The following CAMK2D variants were observed in gnomAD, a reference collection of about 807,000 sequenced individuals.
CAMK2D encodes calcium/calmodulin dependent protein kinase II delta.
CAMK2D carries 37 observed loss-of-function variants against 84.0 expected under a neutral mutation model. The observed-to-expected ratio is 0.44, with a 90% CI of 0.34 to 0.58. CAMK2D has a LOEUF of 0.58. Among genes scored for constraint, CAMK2D ranks in the 20% least tolerant of loss-of-function variants. The pLI is 0.02. For missense variants in CAMK2D, 448 were observed against 652.5 expected (o/e 0.69, Z 3.41); for synonymous variants, 202 against 212.5 (o/e 0.95, Z 0.43).
At chr4:113,691,658 C>CA (rs1423123053) in intron 2 of CAMK2D, among the ~76,000 whole-genome samples, 1 of 151,888 alleles carries the variant, frequency 6.6e-6, no homozygotes, top group East Asian at 1.9e-4. Flanking sequence ...GAGGCTGAGG[C>CA]AAAAAAATCA....
chr4:113,729,132 G>A lies in CAMK2D; in HGVS notation c.160+30188C>T, dbSNP rs139352063. 2.2e-3 allele frequency among the ~76,000 whole-genome samples: 334 copies of A among 152,168 alleles called. 1 individual carries two copies. Among genetic ancestry groups the A allele is most frequent in the Non-Finnish European group, 3.8e-3 (255 of 67,994 alleles). ...ATTATATATTAACAAACAACCTCCC[G>A]CCTAAGTCATCATCATCGTCTCTTT... On this transcript the variant is annotated intron_variant, in intron 2 of 20. Transcript: ENST00000511664.
intron 3 of CAMK2D, among the ~76,000 whole-genome samples, chr4:113,619,545 C>T (rs1385354050): frequency 6.6e-6 from 1 of 152,166 alleles, no homozygotes; most frequent in Non-Finnish European, 1.5e-5. Flanking sequence ...ACTCCAACTT[C>T]ATTGGCATCC....
At chr4:113,600,534 T>C (rs1409147986) in intron 4 of CAMK2D, among the ~76,000 whole-genome samples, 1 of 152,206 alleles carries the variant, frequency 6.6e-6, no homozygotes, top group Non-Finnish European at 1.5e-5. Flanking sequence ...TAGTCCACAA[T>C]ATTTTATCTA....
chr4:113,675,413 C>A (rs1434897598), intron 2 of CAMK2D, among the ~76,000 whole-genome samples: 2 of 152,122 alleles, frequency 1.3e-5, no homozygotes, highest in African/African-American at 4.8e-5. Flanking sequence ...AGAGAGATTG[C>A]TCACTAGCCA....
chr4:113,584,861 GA>G lies in CAMK2D; in HGVS notation c.275+24290del, dbSNP rs555902675. ...TAATGATGCCTATCTTTTATCTTAA[GA>G]AAAAAAAAGTTTTCTGGTTCTTTAC... On this transcript the variant is annotated intron_variant, in intron 4 of 20. Coordinates refer to ENST00000511664, the MANE Select transcript of CAMK2D (RefSeq NM_001321571.2). Among the ~76,000 whole-genome samples the G allele has an allele frequency of 3.1e-3, 466 of 151,308 alleles. 2 individuals carry two copies. The highest frequency in any genetic ancestry group is 9.4e-3 in the African/African-American group (389 of 41,250).
At position 113,531,504 on chromosome 4, in the gene CAMK2D, A is replaced by G. The variant is rs138451408; in HGVS notation, c.518-205T>C. 7.6e-4 allele frequency among the ~76,000 whole-genome samples: 115 copies of G among 152,268 alleles called. 1 individual carries two copies. Among genetic ancestry groups the G allele is most frequent in the African/African-American group, 2.7e-3 (113 of 41,546 alleles). On this transcript the variant is annotated intron_variant, in intron 7 of 20. Transcript: ENST00000511664. ...ATGCCCTGCCCTGTAACTCATTTGA[A>G]AAAAAATACATCTTTTTTTCCAGAT... is the stretch of plus-strand genomic sequence containing the variant.
At chr4:113,744,720 C>G (rs756897972) in intron 2 of CAMK2D, among the ~76,000 whole-genome samples, 3 of 152,142 alleles carry the variant, frequency 2.0e-5, no homozygotes, top group Non-Finnish European at 2.9e-5. Flanking sequence ...AAAACCAAGG[C>G]TTGAGAAGGT....
At chr4:113,757,693 A>G (rs1309011300) in intron 2 of CAMK2D, among the ~76,000 whole-genome samples, 1 of 152,160 alleles carries the variant, frequency 6.6e-6, no homozygotes, top group African/African-American at 2.4e-5. Flanking sequence ...ACATGTAGGT[A>G]GTTCTTTGAA....
intron 2 of CAMK2D, among the ~76,000 whole-genome samples, chr4:113,730,299 G>A (rs2099562042): frequency 6.6e-6 from 1 of 151,910 alleles, no homozygotes; most frequent in African/African-American, 2.4e-5. Context: ...TTCACTTCTT[G>A]TTTTCATGTC....
chr4:113,664,975 T>C (rs2099252063), intron 2 of CAMK2D, among the ~76,000 whole-genome samples: 3 of 152,184 alleles, frequency 2.0e-5, no homozygotes, highest in Admixed American at 6.5e-5. Flanking sequence ...AGCTAATTTT[T>C]GTATTTTTGG....
intron 4 of CAMK2D, among the ~76,000 whole-genome samples, chr4:113,567,825 A>G (rs975630539): frequency 6.6e-6 from 1 of 152,228 alleles, no homozygotes; most frequent in Non-Finnish European, 1.5e-5. Context: ...GTTGAAGAAC[A>G]TAACAGTGTC....
intron 4 of CAMK2D, among the ~76,000 whole-genome samples, chr4:113,603,429 C>T (rs2098962281): frequency 1.6e-5 from 2 of 128,676 alleles, no homozygotes; most frequent in African/African-American, 3.0e-5. Flanking sequence ...GAGTTCATGT[C>T]CTTTGTAGGG....
In CAMK2D at chr4:113,754,744, T is replaced by C. The variant is rs182087002; in HGVS notation, c.160+4576A>G. Reference sequence around the variant, plus strand: ...GAAGAGCAGTAATGCTTTCATTCAATGAAAGAAGAAAATGAATGTTTAATA... The same window carrying C: ...GAAGAGCAGTAATGCTTTCATTCAACGAAAGAAGAAAATGAATGTTTAATA... On this transcript the variant is annotated intron_variant, in intron 2 of 20. Coordinates refer to ENST00000511664, the MANE Select transcript of CAMK2D (RefSeq NM_001321571.2). The C allele has an allele frequency of 9.8e-5, 96 of 981,330 alleles. No individual in the cohort carries two copies. In the African/African-American group the frequency reaches 1.6e-3, roughly 16 times the overall value. 60.8% of individuals were successfully genotyped at this position (981,330 alleles called of 1,614,324 possible). A position where few individuals can be genotyped will look rare whatever the true frequency, so the allele number is the denominator to read the frequency against.
At position 113,477,404 on chromosome 4, in the gene CAMK2D, C is replaced by T. The variant is rs111917935; in HGVS notation, c.1136-11800G>A. Among the ~76,000 whole-genome samples, 631 of 152,226 alleles carry T rather than the reference C, an allele frequency of 4.1e-3. 8 individuals carry two copies. The highest frequency in any genetic ancestry group is 0.014 in the African/African-American group (589 of 41,540). ...ATCAGTTTAGCTCTGGGATATTTGC[C>T]TCTAAATTCAGCTTAGATAATTAAT... On this transcript the variant is annotated intron_variant, in intron 16 of 20. Coordinates refer to ENST00000511664, the MANE Select transcript of CAMK2D (RefSeq NM_001321571.2).
rs1359517209 is a variant in CAMK2D at position 113,761,559 on chromosome 4, A to T, written c.-491T>A. On this transcript the variant is annotated 5_prime_UTR_variant, in exon 1 of 21. Coordinates refer to ENST00000511664, the MANE Select transcript of CAMK2D (RefSeq NM_001321571.2). ...CGCGGAGCCCAGAGCGGACAGCCTG[A>T]GCCCAGCGGCCGCTGTCAGCAGGCT... 1 of 985,688 alleles carries T rather than the reference A, an allele frequency of 1.0e-6. No homozygotes were observed. The highest frequency in any genetic ancestry group is 4.7e-5 in the South Asian group (1 of 21,358). 61.1% of individuals were successfully genotyped at this position (985,688 alleles called of 1,614,324 possible). A position where few individuals can be genotyped will look rare whatever the true frequency, so the allele number is the denominator to read the frequency against.
chr4:113,691,505 C>T (rs955548601), intron 2 of CAMK2D, among the ~76,000 whole-genome samples: 7 of 152,212 alleles, frequency 4.6e-5, no homozygotes, highest in African/African-American at 1.4e-4. Flanking sequence ...GTAATCCCAG[C>T]ACTTTGGGAG....
At chr4:113,523,593 C>CA (rs2098389677) in intron 8 of CAMK2D, among the ~76,000 whole-genome samples, 1 of 151,810 alleles carries the variant, frequency 6.6e-6, no homozygotes, top group Non-Finnish European at 1.5e-5. Flanking sequence ...GGCAACATGG[C>CA]AAAACCCTGT....
rs558618622 is a variant in CAMK2D, at chr4:113,499,246, G to A, written c.1135+1217C>T. 9.2e-5 allele frequency among the ~76,000 whole-genome samples: 14 copies of A among 152,272 alleles called. No individual in the cohort carries two copies. In the South Asian group the frequency reaches 2.7e-3, roughly 29 times the overall value. ...TCAAATTTTAGCTTAAGTGCAAAGA[G>A]TGAGATGAATAGACCTACTAAATAA... is the stretch of plus-strand genomic sequence containing the variant. On this transcript the variant is annotated intron_variant, in intron 16 of 20. Transcript: ENST00000511664.
intron 3 of CAMK2D, among the ~76,000 whole-genome samples, chr4:113,631,658 G>A (rs771358325): frequency 3.9e-5 from 6 of 152,160 alleles, no homozygotes; most frequent in Non-Finnish European, 5.9e-5. Flanking sequence ...AACTATTGTC[G>A]TTGGCATCTA....
Sources: gnomAD v4.1 joint callset for allele counts (sites outside exome capture counted in the v4.1 genomes callset) on GRCh38, gnomAD v4.1.1 for gene constraint, MANE v1.5 for transcripts, NCBI Gene and HGNC (gene_info 2026-07-23, HGNC 2026-07-21) for gene names.